The following CSNK1A1 variants were observed in gnomAD, a reference collection of about 807,000 sequenced individuals.
CSNK1A1 encodes the protein casein kinase 1 alpha 1.
CSNK1A1 carries 7 observed loss-of-function variants against 46.1 expected under a neutral mutation model. The ratio of observed to expected loss-of-function variants is 0.15; its 90% confidence interval spans 0.09 to 0.29. CSNK1A1 has a LOEUF of 0.29. Among genes scored for constraint, CSNK1A1 ranks in the 10% least tolerant of loss-of-function variants. CSNK1A1 has a pLI of 1.00. For synonymous variants in CSNK1A1, 137 were observed against 141.5 expected (o/e 0.97, Z 0.23); for missense variants, 96 against 417.1 (o/e 0.23, Z 6.71).
chr5:149,541,785 G>A (rs1762238632), intron 2 of CSNK1A1, among the ~76,000 whole-genome samples: 1 of 151,870 alleles, frequency 6.6e-6, no homozygotes, highest in Non-Finnish European at 1.5e-5. Context: ...AGACCAGCCT[G>A]ACCAATATGG....
chr5:149,499,027 G>T (rs1170978468), intron 9 of CSNK1A1: 1 of 985,196 alleles, frequency 1.0e-6, no homozygotes, highest in East Asian at 1.1e-4. Context: ...TCTTCAAATG[G>T]GTCAATGGTA....
At chr5:149,518,139 T>C (rs1332999072) in intron 4 of CSNK1A1, among the ~76,000 whole-genome samples, 3 of 152,198 alleles carry the variant, frequency 2.0e-5, no homozygotes, top group Admixed American at 2.0e-4. Context: ...ATGGTGACAT[T>C]TGGCTCTTTT....
In CSNK1A1 at chr5:149,517,384, C is replaced by T. The variant is rs759522098; in HGVS notation, c.456+2906G>A. ...GAAGAGAGGTGAGGTAGAATATATT[C>T]ATTATACAGCACTAATGAACTGAAT... On this transcript the variant is annotated intron_variant, in intron 4 of 9. Transcript: ENST00000377843. This position sits in a 1 kb window ranked among gnomAD's most constrained non-coding sequence, Gnocchi z 4.4. Among the ~76,000 whole-genome samples the T allele has an allele frequency of 2.0e-5, 3 of 152,074 alleles. No homozygotes were observed. Among genetic ancestry groups the T allele is most frequent in the Non-Finnish European group, 4.4e-5 (3 of 68,000 alleles).
intron 4 of CSNK1A1, among the ~76,000 whole-genome samples, chr5:149,518,184 C>T (rs1761455037): frequency 6.6e-6 from 1 of 152,050 alleles, no homozygotes; most frequent in African/African-American, 2.4e-5. Context: ...TTTAGATCTG[C>T]AATCTTTGGT....
At chr5:149,507,194 G>A (rs1307334591) in intron 7 of CSNK1A1, 61 bp from the exon 8 acceptor site, 6 of 1,284,532 alleles carry the variant, frequency 4.7e-6, no homozygotes, top group African/African-American at 4.5e-5. Flanking sequence ...AAAAATAAAT[G>A]CATTTAAGTA....
In CSNK1A1 at chr5:149,544,737, T is replaced by TATATATATATATATATATATA. The variant is rs1554118044; in HGVS notation, c.230+5337_230+5338insTATATATATATATATATATAT. 1.4e-3 allele frequency among the ~76,000 whole-genome samples: 115 copies of TATATATATATATATATATATA among 80,786 alleles called. 4 individuals are homozygous for TATATATATATATATATATATA. The highest frequency in any genetic ancestry group is 5.8e-3 in the East Asian group (14 of 2,424). 53.0% of individuals were successfully genotyped at this position (80,786 alleles called of 152,430 possible). Reference sequence around the variant, plus strand: ...GTGAGGATGATGAGGGTAAAGAGCTTTATATATATATATATATATATATAT... The same window carrying TATATATATATATATATATATA: ...GTGAGGATGATGAGGGTAAAGAGCTTATATATATATATATATATATATATATATATATATATATATATATAT... On this transcript the variant is annotated intron_variant, in intron 2 of 9. Transcript: ENST00000377843.
Position 149,495,966 on chromosome 5 carries a change from A to T in CSNK1A1, c.*887T>A, listed in dbSNP as rs1580811799. 1 of 152,534 alleles carries T rather than the reference A, an allele frequency of 6.6e-6. No individual in the cohort carries two copies. Among genetic ancestry groups the T allele is most frequent in the East Asian group, 1.9e-4 (1 of 5,180 alleles). 9.4% of individuals were successfully genotyped at this position (152,534 alleles called of 1,614,324 possible). A position where few individuals can be genotyped will look rare whatever the true frequency, so the allele number is the denominator to read the frequency against. ...GTCAGCAAGGCATTTTTTGTTGTTT[A>T]AAAAAAATCTCATTTCCTTACAGAA... On this transcript the variant is annotated 3_prime_UTR_variant, in exon 10 of 10. Transcript: ENST00000377843.
At chr5:149,546,679 T>C (rs1178523745) in intron 2 of CSNK1A1, among the ~76,000 whole-genome samples, 1 of 149,462 alleles carries the variant, frequency 6.7e-6, no homozygotes, top group East Asian at 2.0e-4. Flanking sequence ...ACAGAAAACA[T>C]AGGGAAGGGA....
At chr5:149,524,721 A>G (rs1453616082) in intron 3 of CSNK1A1, among the ~76,000 whole-genome samples, 6 of 152,204 alleles carry the variant, frequency 3.9e-5, no homozygotes, top group African/African-American at 1.4e-4. Flanking sequence ...ATGTCAATAA[A>G]CATTTATCAA....
At position 149,542,662 on chromosome 5, in the gene CSNK1A1, A is replaced by G. The variant is rs1325551921; in HGVS notation, c.230+7413T>C. ...TATGTATATATATATATATATATAT[A>G]TATATATATGTATATATATATATAT... On this transcript the variant is annotated intron_variant, in intron 2 of 9. Coordinates refer to ENST00000377843, the MANE Select transcript of CSNK1A1 (RefSeq NM_001892.6). Among the ~76,000 whole-genome samples, 21 of 7,176 alleles carry G rather than the reference A, an allele frequency of 2.9e-3. 1 individual carries two copies. The highest frequency in any genetic ancestry group is 0.071 in the Middle Eastern group (1 of 14). 4.7% of individuals were successfully genotyped at this position (7,176 alleles called of 152,430 possible).
At chr5:149,509,032 T>C (rs537894494) in intron 7 of CSNK1A1, among the ~76,000 whole-genome samples, 8 of 152,058 alleles carry the variant, frequency 5.3e-5, no homozygotes, top group Non-Finnish European at 8.8e-5. Context: ...GGCTCAAGCA[T>C]CCTGCCCCAG....
At position 149,525,955 on chromosome 5, in the gene CSNK1A1, G is replaced by C. The variant is rs148897094; in HGVS notation, c.231-784C>G. On this transcript the variant is annotated intron_variant, in intron 2 of 9. Coordinates refer to ENST00000377843, the MANE Select transcript of CSNK1A1 (RefSeq NM_001892.6). The surrounding 1 kb of genome is among the most constrained non-coding windows in gnomAD (Gnocchi z 4.2). ...TTAAATTCTGCTAAGAAAATCAGGT[G>C]ATACTTAAAATTTTGTTTAAAAAGT... 2.5e-4 allele frequency among the ~76,000 whole-genome samples: 38 copies of C among 152,242 alleles called. No homozygotes were observed. In the East Asian group the frequency reaches 6.4e-3, roughly 26 times the overall value.
intron 2 of CSNK1A1, among the ~76,000 whole-genome samples, chr5:149,541,061 C>A (rs950034653): frequency 6.6e-5 from 10 of 151,458 alleles, no homozygotes; most frequent in African/African-American, 2.4e-4. Context: ...GCCTGGGCAA[C>A]AGAGCAAGAC....
intron 9 of CSNK1A1, 36 bp downstream of exon 9, chr5:149,505,411 T>C (rs1259388469): frequency 1.3e-6 from 2 of 1,589,750 alleles, no homozygotes; most frequent in African/African-American, 2.7e-5. Flanking sequence ...TATTCAATTT[T>C]TTCCCTGTAA....
intron 2 of CSNK1A1, among the ~76,000 whole-genome samples, chr5:149,539,028 G>A (rs1762149046): frequency 6.6e-6 from 1 of 152,066 alleles, no homozygotes; most frequent in Non-Finnish European, 1.5e-5. Flanking sequence ...ATACCTCTAT[G>A]AGTAAGACAG....
rs956577122 is a variant in CSNK1A1 at position 149,549,426 on chromosome 5, T to C, written c.230+649A>G. The stretch of plus-strand genomic sequence containing the variant: ...TCTGCTGCAGAGATCACAAACACTG[T>C]CACTATGCCATCTCCTTCCTCGAAC... On this transcript the variant is annotated intron_variant, in intron 2 of 9. Transcript: ENST00000377843. The C allele has an allele frequency of 1.9e-5, 13 of 701,496 alleles. 1 individual carries two copies. The highest frequency in any genetic ancestry group is 5.4e-5 in the East Asian group (2 of 37,264). The allele number at this position is 701,496 out of a possible 1,614,324, so 43.5% of individuals were successfully genotyped here.
chr5:149,534,845 G>C (rs1479620551), intron 2 of CSNK1A1, among the ~76,000 whole-genome samples: 7 of 148,318 alleles, frequency 4.7e-5, no homozygotes, highest in Non-Finnish European at 1.0e-4. Context: ...GATCACTTGA[G>C]CCTCGGCTGT....
chr5:149,502,277 T>C, intron 9 of CSNK1A1: 5 of 945,902 alleles, frequency 5.3e-6, no homozygotes, highest in Non-Finnish European at 6.3e-6. Flanking sequence ...CTTATGAAAC[T>C]TAGTTCAATA....
chr5:149,514,359 C>T (rs1010484539), intron 4 of CSNK1A1, among the ~76,000 whole-genome samples: 1 of 152,030 alleles, frequency 6.6e-6, no homozygotes, highest in Admixed American at 6.6e-5. Context: ...AAAAAGAAAT[C>T]CAAAACATAT....
Sources: allele counts gnomAD v4.1 joint callset (sites outside exome capture counted in the v4.1 genomes callset), GRCh38; gene constraint gnomAD v4.1.1; non-coding constraint Gnocchi (gnomAD v3.1); transcripts MANE v1.5; gene names NCBI Gene and HGNC (gene_info 2026-07-23, HGNC 2026-07-21).